Variants in PTPRD observed in about 807,000 individuals in gnomAD.
PTPRD encodes receptor-type tyrosine-protein phosphatase delta.
PTPRD carries 34 observed loss-of-function variants against 214.5 expected under a neutral mutation model. The ratio of observed to expected loss-of-function variants is 0.16; its 90% CI spans 0.12 to 0.21. PTPRD has a LOEUF of 0.21. Ranked by LOEUF, PTPRD falls within the 10% of genes least tolerant of loss-of-function variation. PTPRD has a pLI of 1.00. For missense variants in PTPRD, 2,545 were observed against 2,398.7 expected (o/e 1.06, Z -1.27); for synonymous variants, 1,128 against 845.7 (o/e 1.33, Z -5.79).
intron 8 of PTPRD, among the ~76,000 whole-genome samples, chr9:9,527,825 G>C (rs1252712591): frequency 8.5e-5 from 13 of 152,068 alleles, no homozygotes. Context: ...CTTGTTGCTA[G>C]ATATTCTACC....
chr9:8,696,716 G>T (rs2097917900), intron 12 of PTPRD, among the ~76,000 whole-genome samples: 1 of 152,232 alleles, frequency 6.6e-6, no homozygotes, highest in Admixed American at 6.5e-5. Context: ...AGAGAGGAAT[G>T]CAGAAGCTAG....
chr9:8,521,642 A>G (rs929265432), intron 19 of PTPRD, 96 bp from the exon 20 acceptor site: 1 of 1,371,450 alleles, frequency 7.3e-7, no homozygotes, highest in African/African-American at 1.5e-5. Flanking sequence ...CGATTCAACA[A>G]TTGAAACATT....
chr9:9,323,937 G>T (rs1360949917), intron 9 of PTPRD, among the ~76,000 whole-genome samples: 2 of 152,162 alleles, frequency 1.3e-5, no homozygotes, highest in East Asian at 3.9e-4. Flanking sequence ...AGAACATGGA[G>T]TGTTTGGTTT....
chr9:10,149,568 C>T (rs2099046539), intron 3 of PTPRD, among the ~76,000 whole-genome samples: 1 of 152,154 alleles, frequency 6.6e-6, no homozygotes, highest in Non-Finnish European at 1.5e-5. Context: ...GTACTCCTGC[C>T]TAGTCCCCAT....
intron 9 of PTPRD, among the ~76,000 whole-genome samples, chr9:9,313,930 C>G (rs1017385214): frequency 6.6e-6 from 1 of 152,088 alleles, no homozygotes; most frequent in African/African-American, 2.4e-5. Context: ...AACAAGATTC[C>G]TTTGTCTGTG....
chr9:10,033,079 G>A (rs1178935108), intron 4 of PTPRD, among the ~76,000 whole-genome samples: 4 of 151,214 alleles, frequency 2.6e-5, no homozygotes, highest in Admixed American at 6.6e-5. Context: ...TAAGGAGCAT[G>A]TAAGTGTGTG....
chr9:8,485,681 A>G, intron 28 of PTPRD, 81 bp downstream of exon 28: 5 of 1,221,778 alleles, frequency 4.1e-6, no homozygotes, highest in Non-Finnish European at 5.7e-6. Flanking sequence ...TGGGCTGATC[A>G]GTTATTATAG....
At chr9:9,632,661 T>C (rs1001530700) in intron 7 of PTPRD, among the ~76,000 whole-genome samples, 2 of 152,148 alleles carry the variant, frequency 1.3e-5, no homozygotes, top group African/African-American at 4.8e-5. Flanking sequence ...GCTTCATTTT[T>C]CTGCTTCTAC....
intron 9 of PTPRD, among the ~76,000 whole-genome samples, chr9:9,352,293 C>T (rs1475468628): frequency 6.7e-6 from 1 of 149,202 alleles, no homozygotes; most frequent in Non-Finnish European, 1.5e-5. Flanking sequence ...TAAACACAAA[C>T]AATACTGCCA....
chr9:9,879,549 G>A lies in PTPRD; in HGVS notation c.-368+58958C>T, dbSNP rs573570943. On this transcript the variant is annotated intron_variant, in intron 5 of 45. Coordinates refer to ENST00000381196, the MANE Select transcript of PTPRD (RefSeq NM_002839.4). ...GATTGAAGAAAAAGGTAAAATTGAA[G>A]CTTGCAAGTATTTGACACTGCAACA... Among the ~76,000 whole-genome samples, 9 of 152,272 alleles carry A rather than the reference G, an allele frequency of 5.9e-5. No individual in the cohort carries two copies. In the East Asian group the frequency reaches 1.7e-3, roughly 29 times the overall value.
chr9:10,359,936 A>G (rs934008261), intron 2 of PTPRD, among the ~76,000 whole-genome samples: 2 of 152,196 alleles, frequency 1.3e-5, no homozygotes, highest in African/African-American at 2.4e-5. Flanking sequence ...GGAGAATTGT[A>G]TATGTTGTTT....
intron 35 of PTPRD, among the ~76,000 whole-genome samples, chr9:8,429,030 T>C (rs1473386897): frequency 6.6e-6 from 1 of 152,190 alleles, no homozygotes; most frequent in African/African-American, 2.4e-5. Flanking sequence ...ACAAATTATC[T>C]ATGGAGAAAA....
intron 34 of PTPRD, among the ~76,000 whole-genome samples, chr9:8,446,972 C>CA (rs2095755970): frequency 6.6e-6 from 1 of 152,202 alleles, no homozygotes. Flanking sequence ...CAAATGGTCA[C>CA]ATCTCTATGA....
At chr9:9,724,030 C>T (rs1260915519) in intron 7 of PTPRD, among the ~76,000 whole-genome samples, 13 of 151,980 alleles carry the variant, frequency 8.6e-5, no homozygotes, top group East Asian at 1.9e-4. Context: ...TCCAGTACAA[C>T]GTTGAATAGA....
At chr9:10,485,172 C>A (rs2099124603) in intron 2 of PTPRD, among the ~76,000 whole-genome samples, 2 of 151,878 alleles carry the variant, frequency 1.3e-5, no homozygotes, top group South Asian at 4.1e-4. Context: ...GAGTTCACTG[C>A]AGGTATGTAA....
chr9:8,491,265 G>A (rs2097143653), intron 27 of PTPRD, among the ~76,000 whole-genome samples: 1 of 152,192 alleles, frequency 6.6e-6, no homozygotes, highest in Non-Finnish European at 1.5e-5. Flanking sequence ...AATTCTATAT[G>A]TGAATAAGTT....
chr9:8,339,428 A>T (rs1279134125), intron 42 of PTPRD, among the ~76,000 whole-genome samples: 2 of 152,092 alleles, frequency 1.3e-5, no homozygotes, highest in African/African-American at 4.8e-5. Flanking sequence ...ACCACAGCAT[A>T]CTTGCACCAC....
chr9:9,289,509 A>G (rs1569567093), intron 9 of PTPRD, among the ~76,000 whole-genome samples: 1 of 151,746 alleles, frequency 6.6e-6, no homozygotes, highest in Non-Finnish European at 1.5e-5. Flanking sequence ...GCTCTCTTCA[A>G]ATTTTAAGTA....
intron 7 of PTPRD, among the ~76,000 whole-genome samples, chr9:9,591,889 T>C (rs975402822): frequency 6.6e-6 from 1 of 152,092 alleles, no homozygotes; most frequent in Non-Finnish European, 1.5e-5. Flanking sequence ...CTCTACTGTG[T>C]AGTGGAACAC....
Sources: gnomAD v4.1 joint callset for allele counts (sites outside exome capture counted in the v4.1 genomes callset) on GRCh38, gnomAD v4.1.1 for gene constraint, MANE v1.5 for transcripts, NCBI Gene and HGNC (gene_info 2026-07-23, HGNC 2026-07-21) for gene names.